The following DLG2 variants were observed in gnomAD, a reference collection of about 807,000 sequenced individuals.
DLG2 encodes the protein discs large MAGUK scaffold protein 2.
In DLG2, 45 loss-of-function variants were observed where a neutral mutation model predicts 132.5. The observed-to-expected ratio is 0.34, with a 90% confidence interval of 0.27 to 0.44. DLG2 has a LOEUF of 0.44. Ranked by LOEUF, DLG2 falls within the 20% of genes least tolerant of loss-of-function variation. The pLI is 1.00. For missense variants in DLG2, 1,045 were observed against 1,196.9 expected, an observed-to-expected ratio of 0.87 and a Z score of 1.87; for synonymous variants, 424 against 419.6, an observed-to-expected ratio of 1.01 and a Z score of -0.13.
At chr11:83,961,521 G>C (rs1177729382) in intron 14 of DLG2, among the ~76,000 whole-genome samples, 1 of 151,936 alleles carries the variant, frequency 6.6e-6, no homozygotes, top group Admixed American at 6.6e-5. Context: ...GAACTTCAAT[G>C]TCTACATCTC....
In DLG2 at chr11:85,484,041, A is replaced by G. The variant is rs11827119; in HGVS notation, c.40+114616T>C. ...GGTGGTAAACTCCATTTAAGGCTAA[A>G]TACCGGCACGAGACCGATAGTCAAC... On this transcript the variant is annotated intron_variant, in intron 3 of 27. Coordinates refer to ENST00000376104, the MANE Select transcript of DLG2 (RefSeq NM_001142699.3). 1.1e-4 allele frequency among the ~76,000 whole-genome samples: 17 copies of G among 152,316 alleles called. No homozygotes were observed. In the South Asian group the frequency reaches 3.5e-3, roughly 32 times the overall value.
At chr11:84,064,056 T>C (rs1332208470) in intron 10 of DLG2, among the ~76,000 whole-genome samples, 1 of 152,116 alleles carries the variant, frequency 6.6e-6, no homozygotes, top group African/African-American at 2.4e-5. Flanking sequence ...AGCACATGAA[T>C]ACATGTGTAA....
intron 6 of DLG2, among the ~76,000 whole-genome samples, chr11:85,060,938 G>C (rs1457465609): frequency 6.6e-6 from 1 of 151,366 alleles, no homozygotes; most frequent in Non-Finnish European, 1.5e-5. Context: ...ATCTTAACAA[G>C]TGTGAAGTGA....
intron 6 of DLG2, among the ~76,000 whole-genome samples, chr11:84,883,708 C>A (rs2087748695): frequency 6.6e-6 from 1 of 152,010 alleles, no homozygotes; most frequent in Admixed American, 6.6e-5. Flanking sequence ...TTAGTTAAAT[C>A]ATATTCTCAC....
At chr11:84,509,735 T>C (rs1451281748) in intron 7 of DLG2, among the ~76,000 whole-genome samples, 19 of 152,080 alleles carry the variant, frequency 1.2e-4, no homozygotes, top group Non-Finnish European at 2.5e-4. Context: ...TGAGAAGCAA[T>C]TTTTTTCACA....
chr11:85,605,438 A>C (rs1326226329), intron 2 of DLG2, among the ~76,000 whole-genome samples: 1 of 152,240 alleles, frequency 6.6e-6, no homozygotes, highest in East Asian at 1.9e-4. Context: ...GTTCAAATTT[A>C]GTCTTTTAAT....
At chr11:84,093,446 G>A (rs1281089594) in intron 10 of DLG2, among the ~76,000 whole-genome samples, 1 of 152,148 alleles carries the variant, frequency 6.6e-6, no homozygotes, top group Admixed American at 6.5e-5. Context: ...CCACCAGCCT[G>A]AGAAAAGTCT....
intron 15 of DLG2, among the ~76,000 whole-genome samples, chr11:83,916,131 A>G (rs1052610841): frequency 6.6e-6 from 1 of 152,166 alleles, no homozygotes; most frequent in South Asian, 2.1e-4. Flanking sequence ...ACCACATACT[A>G]TTTATCCATT....
chr11:83,631,005 T>C (rs189881289), intron 19 of DLG2, among the ~76,000 whole-genome samples: 1 of 152,262 alleles, frequency 6.6e-6, no homozygotes, highest in Admixed American at 6.5e-5. Flanking sequence ...AGTAGTTGAC[T>C]TTCTAAAATA....
At chr11:84,677,831 G>A (rs906427277) in intron 6 of DLG2, among the ~76,000 whole-genome samples, 1 of 152,076 alleles carries the variant, frequency 6.6e-6, no homozygotes, top group Non-Finnish European at 1.5e-5. Flanking sequence ...TTCCATTGCA[G>A]TGAACTATGA....
At chr11:84,848,598 C>T (rs148116462) in intron 6 of DLG2, among the ~76,000 whole-genome samples, 205 of 152,268 alleles carry the variant, frequency 1.3e-3, no homozygotes, top group African/African-American at 4.7e-3. Context: ...CCCTGTCTCA[C>T]CATTTTACGA....
chr11:84,363,761 A>G (rs1389819897), intron 7 of DLG2, among the ~76,000 whole-genome samples: 1 of 151,574 alleles, frequency 6.6e-6, no homozygotes, highest in Non-Finnish European at 1.5e-5. Flanking sequence ...CATTTATTAA[A>G]TAGGGAATCC....
chr11:83,959,184 G>A (rs1431681924), intron 14 of DLG2, among the ~76,000 whole-genome samples: 1 of 151,976 alleles, frequency 6.6e-6, no homozygotes, highest in African/African-American at 2.4e-5. Flanking sequence ...AAACTTCCCA[G>A]TTTATGCAGG....
intron 6 of DLG2, among the ~76,000 whole-genome samples, chr11:85,046,669 T>A (rs140070290): frequency 1.3e-5 from 2 of 151,976 alleles, no homozygotes; most frequent in East Asian, 3.9e-4. Context: ...CAACACTAAT[T>A]TCACAGAAGG....
intron 3 of DLG2, among the ~76,000 whole-genome samples, chr11:85,314,825 A>G (rs1349876617): frequency 2.0e-5 from 3 of 151,980 alleles, no homozygotes; most frequent in Non-Finnish European, 4.4e-5. Flanking sequence ...GAGGGGAGAA[A>G]GGAGAGATAC....
At chr11:83,729,988 A>G (rs2090706871) in intron 18 of DLG2, among the ~76,000 whole-genome samples, 1 of 151,966 alleles carries the variant, frequency 6.6e-6, no homozygotes, top group Non-Finnish European at 1.5e-5. Context: ...CAAAAATAAA[A>G]CAAAACAAAC....
At chr11:84,919,754 A>G (rs2092671973) in intron 6 of DLG2, among the ~76,000 whole-genome samples, 1 of 152,180 alleles carries the variant, frequency 6.6e-6, no homozygotes, top group Admixed American at 6.5e-5. Context: ...ACTACCTTCA[A>G]AAATTGATCC....
chr11:84,978,469 C>G (rs1016235582), intron 6 of DLG2, among the ~76,000 whole-genome samples: 11 of 152,024 alleles, frequency 7.2e-5, no homozygotes, highest in Non-Finnish European at 1.3e-4. Flanking sequence ...AGACATAGAC[C>G]AATGGAACAG....
chr11:85,148,129 A>C (rs746169467), intron 5 of DLG2, among the ~76,000 whole-genome samples: 2 of 152,136 alleles, frequency 1.3e-5, no homozygotes, highest in Non-Finnish European at 2.9e-5. Flanking sequence ...TGTATATACC[A>C]CATTTTCGTT....
Sources: allele counts gnomAD v4.1 joint callset (sites outside exome capture counted in the v4.1 genomes callset), GRCh38; gene constraint gnomAD v4.1.1; transcripts MANE v1.5; gene names NCBI Gene and HGNC (gene_info 2026-07-23, HGNC 2026-07-21).